Variants in TRIM36 observed in about 807,000 individuals in gnomAD.
The protein encoded by TRIM36 is tripartite motif containing 36.
A neutral mutation model predicts 72.4 loss-of-function variants in TRIM36; 42 were observed. The ratio of observed to expected loss-of-function variants is 0.58; its 90% CI spans 0.45 to 0.75. The LOEUF is 0.75. Ranked by LOEUF, TRIM36 falls within the 30% of genes least tolerant of loss-of-function variation. The pLI is 0.00. For missense variants in TRIM36, 913 were observed against 857.1 expected (o/e 1.07, Z -0.81); for synonymous variants, 315 against 282.8 (o/e 1.11, Z -1.14).
chr5:115,158,713 C>T (rs1339147376), intron 2 of TRIM36, among the ~76,000 whole-genome samples: 4 of 152,180 alleles, frequency 2.6e-5, no homozygotes, highest in African/African-American at 9.7e-5. Context: ...ATTCTTCACC[C>T]TGTAAAATTT....
intron 1 of TRIM36, among the ~76,000 whole-genome samples, chr5:115,176,606 C>A (rs1327804636): frequency 6.6e-6 from 1 of 152,110 alleles, no homozygotes; most frequent in African/African-American, 2.4e-5. Context: ...ATGCTAAATA[C>A]ACAAAATACA....
At chr5:115,140,561 T>C (rs1293079485) in intron 5 of TRIM36, among the ~76,000 whole-genome samples, 5 of 152,128 alleles carry the variant, frequency 3.3e-5, no homozygotes, top group Admixed American at 2.6e-4. Context: ...GAAGCCTCCA[T>C]ATAACCTTTC....
Position 115,126,880 on chromosome 5 carries a change from TG to T in TRIM36, c.1797-24del, listed in dbSNP as rs747446354. The T allele has an allele frequency of 5.1e-6, 8 of 1,583,972 alleles. No individual in the cohort carries two copies. In the African/African-American group the frequency reaches 6.8e-5, roughly 13 times the overall value. On this transcript the variant is annotated intron_variant, in intron 9 of 9. Coordinates refer to ENST00000513154, the MANE Select transcript of TRIM36 (RefSeq NM_001300759.2). Reference sequence around the variant, plus strand: ...TATCTGAAACATAATACAAAGCATCTGTATCTTCAACAATAGATCTAAGTAT... The same window carrying T: ...TATCTGAAACATAATACAAAGCATCTTATCTTCAACAATAGATCTAAGTAT...
At chr5:115,147,972 T>C (rs752897936) in intron 2 of TRIM36, among the ~76,000 whole-genome samples, 3 of 152,234 alleles carry the variant, frequency 2.0e-5, no homozygotes, top group African/African-American at 4.8e-5. Flanking sequence ...GAATATGTGA[T>C]GTGACCACAA....
chr5:115,149,090 T>C (rs1276438763), intron 2 of TRIM36: 2 of 152,196 alleles, frequency 1.3e-5, no homozygotes, highest in Non-Finnish European at 2.9e-5. Flanking sequence ...TAAAGATATT[T>C]TAACGTTTAC....
chr5:115,127,629 G>C (rs1177224057), intron 9 of TRIM36, among the ~76,000 whole-genome samples: 5 of 152,202 alleles, frequency 3.3e-5, no homozygotes, highest in Non-Finnish European at 5.9e-5. Context: ...TAAGGCTGTA[G>C]TGTAACCCAT....
intron 3 of TRIM36, among the ~76,000 whole-genome samples, chr5:115,145,975 CACTA>C (rs1753573486): frequency 6.6e-6 from 1 of 152,192 alleles, no homozygotes; most frequent in East Asian, 1.9e-4. Flanking sequence ...TATTGAGTAG[CACTA>C]ACTACTTGAA....
intron 2 of TRIM36, among the ~76,000 whole-genome samples, chr5:115,151,935 A>G (rs1416468216): frequency 7.2e-5 from 11 of 152,218 alleles, no homozygotes; most frequent in African/African-American, 2.7e-4. Context: ...GGAAGGAACT[A>G]GGAAACCACC....
chr5:115,136,441 A>C (rs1752968953), intron 7 of TRIM36, among the ~76,000 whole-genome samples: 1 of 152,170 alleles, frequency 6.6e-6, no homozygotes, highest in Non-Finnish European at 1.5e-5. Context: ...AACAAAATGA[A>C]TCTGTTTTGA....
At chr5:115,132,075 G>C (rs1342427049) in intron 8 of TRIM36, among the ~76,000 whole-genome samples, 1 of 151,954 alleles carries the variant, frequency 6.6e-6, no homozygotes, top group East Asian at 1.9e-4. Context: ...AGGCATCATA[G>C]TGCACACCTT....
intron 2 of TRIM36, among the ~76,000 whole-genome samples, chr5:115,160,646 T>C (rs1304697841): frequency 6.6e-6 from 1 of 152,208 alleles, no homozygotes; most frequent in Non-Finnish European, 1.5e-5. Context: ...GAAACCAGCC[T>C]AGGCAACAAA....
intron 1 of TRIM36, among the ~76,000 whole-genome samples, chr5:115,178,175 C>T (rs1245495032): frequency 6.6e-6 from 1 of 152,150 alleles, no homozygotes; most frequent in African/African-American, 2.4e-5. Flanking sequence ...GATTTGTCTG[C>T]TATTGAAGGA....
intron 1 of TRIM36, chr5:115,177,577 A>T: frequency 7.0e-7 from 1 of 1,434,818 alleles, no homozygotes; most frequent in Non-Finnish European, 9.1e-7. Flanking sequence ...CAAATCCTGT[A>T]TAATCACACA....
chr5:115,161,948 G>A (rs1754506809), intron 2 of TRIM36, among the ~76,000 whole-genome samples: 2 of 152,172 alleles, frequency 1.3e-5, no homozygotes, highest in Admixed American at 1.3e-4. Context: ...AACACATTTA[G>A]TGGCAGAAGT....
In TRIM36 at chr5:115,169,892, C is replaced by T. The variant is rs1348071224; in HGVS notation, c.-258G>A. On this transcript the variant is annotated 5_prime_UTR_variant, in exon 1 of 10. Coordinates refer to ENST00000513154, the MANE Select transcript of TRIM36 (RefSeq NM_001300759.2). ...CCCGCCCAGCTGCCGGCTGCAGCAG[C>T]GGCTCCTGCGGACTGCGGCTGGGAA... is the stretch of plus-strand genomic sequence containing the variant. 7 of 1,295,878 alleles carry T rather than the reference C, an allele frequency of 5.4e-6. No individual in the cohort carries two copies. Among genetic ancestry groups the T allele is most frequent in the Non-Finnish European group, 6.9e-6 (7 of 1,021,156 alleles). The allele number at this position is 1,295,878 out of a possible 1,614,324, so 80.3% of individuals were successfully genotyped here.
chr5:115,136,929 A>G, intron 7 of TRIM36, 71 bp downstream of exon 7: 2 of 1,404,356 alleles, frequency 1.4e-6, no homozygotes, highest in Non-Finnish European at 1.9e-6. Flanking sequence ...ATTTAAGAGA[A>G]CTTGTGTTTT....
At chr5:115,165,653 C>A (rs532542966) in intron 1 of TRIM36, among the ~76,000 whole-genome samples, 1 of 152,334 alleles carries the variant, frequency 6.6e-6, no homozygotes, top group South Asian at 2.1e-4. Flanking sequence ...GCCGGACCTG[C>A]TTGCTCTGCA....
At chr5:115,139,005 G>C (rs1753127100) in intron 5 of TRIM36, among the ~76,000 whole-genome samples, 1 of 151,632 alleles carries the variant, frequency 6.6e-6, no homozygotes, top group African/African-American at 2.4e-5. Flanking sequence ...ATTTTTAGTA[G>C]AGATGGGGTT....
upstream of TRIM36, chr5:115,174,155 C>G (rs1408232619): frequency 6.6e-6 from 1 of 152,152 alleles, no homozygotes; most frequent in Non-Finnish European, 1.5e-5. Context: ...TAATACCCAA[C>G]AAGAGATTAA....
Sources: allele counts gnomAD v4.1 joint callset (sites outside exome capture counted in the v4.1 genomes callset), GRCh38; gene constraint gnomAD v4.1.1; transcripts MANE v1.5; gene names NCBI Gene and HGNC (gene_info 2026-07-23, HGNC 2026-07-21).